The following PRPSAP2 variants were observed in gnomAD, a reference collection of about 807,000 sequenced individuals.
The protein encoded by PRPSAP2 is phosphoribosyl pyrophosphate synthetase associated protein 2.
A neutral mutation model predicts 40.6 loss-of-function variants in PRPSAP2; 24 were observed. That is an observed-to-expected ratio of 0.59 (90% CI 0.43 to 0.83). The LOEUF is 0.83. Ranked by LOEUF, PRPSAP2 falls within the 40% of genes least tolerant of loss-of-function variation. PRPSAP2 has a pLI of 0.00. For synonymous variants in PRPSAP2, 149 were observed against 164.7 expected, an observed-to-expected ratio of 0.90 and a Z score of 0.73; for missense variants, 292 against 465.6, an observed-to-expected ratio of 0.63 and a Z score of 3.43.
chr17:18,893,062 T>TA (rs1023019737), intron 8 of PRPSAP2, among the ~76,000 whole-genome samples: 12 of 152,118 alleles, frequency 7.9e-5, no homozygotes, highest in African/African-American at 2.9e-4. Context: ...GATTTGCAGA[T>TA]ATTTTCTCTC....
chr17:18,893,328 T>G (rs1004806138), intron 8 of PRPSAP2, among the ~76,000 whole-genome samples: 3 of 152,028 alleles, frequency 2.0e-5, no homozygotes, highest in Non-Finnish European at 4.4e-5. Context: ...TTTTGTATTT[T>G]TTAGTAGAGA....
chr17:18,911,370 A>C lies in PRPSAP2; in HGVS notation c.733+119A>C. On this transcript the variant is annotated intron_variant, in intron 9 of 11. Coordinates refer to ENST00000268835, the MANE Select transcript of PRPSAP2 (RefSeq NM_002767.4). The surrounding 1 kb of genome is among the most constrained non-coding windows in gnomAD (Gnocchi z 4.5). ...TTTTAGTTGGCAAAAACTCATTAACACCTTTCTTGGCCAGATAGTAGCGAA... is the reference window on the plus strand; with the variant it reads ...TTTTAGTTGGCAAAAACTCATTAACCCCTTTCTTGGCCAGATAGTAGCGAA... 2 of 1,234,764 alleles carry C rather than the reference A, an allele frequency of 1.6e-6. No individual in the cohort carries two copies. The highest frequency in any genetic ancestry group is 2.2e-6 in the Non-Finnish European group (2 of 914,672). The allele number at this position is 1,234,764 out of a possible 1,614,324, so 76.5% of individuals were successfully genotyped here.
chr17:18,861,252 C>T (rs942405484), intron 1 of PRPSAP2, among the ~76,000 whole-genome samples: 1 of 151,942 alleles, frequency 6.6e-6, no homozygotes, highest in Admixed American at 6.6e-5. Context: ...ATTACCTGAG[C>T]TTGGGAGTTT....
intron 7 of PRPSAP2, among the ~76,000 whole-genome samples, chr17:18,884,418 A>G (rs866435302): frequency 3.9e-5 from 6 of 152,216 alleles, no homozygotes; most frequent in South Asian, 4.1e-4. Context: ...AGCTCACTGC[A>G]ACCTTGAACT....
At chr17:18,909,444 C>T (rs969855189) in intron 8 of PRPSAP2, among the ~76,000 whole-genome samples, 12 of 151,770 alleles carry the variant, frequency 7.9e-5, no homozygotes, top group Admixed American at 6.6e-5. Context: ...CGGGGTTTCA[C>T]CGTGTTAGCC....
chr17:18,930,741 AAG>A lies in PRPSAP2; in HGVS notation c.*46_*47del, dbSNP rs1272726579. 6.5e-7 allele frequency: 1 copy of A among 1,543,580 alleles called. No homozygotes were observed. Among genetic ancestry groups the A allele is most frequent in the Admixed American group, 1.8e-5 (1 of 56,894 alleles). On this transcript the variant is annotated 3_prime_UTR_variant, in exon 12 of 12. Coordinates refer to ENST00000268835, the MANE Select transcript of PRPSAP2 (RefSeq NM_002767.4). ...CTCCCGAGGGCCAAACTGGAAACAT[AAG>A]AGTGACTGCTCGGTGGGATGGATTT...
intron 1 of PRPSAP2, among the ~76,000 whole-genome samples, chr17:18,863,594 G>A (rs1008613291): frequency 5.3e-5 from 8 of 150,820 alleles, no homozygotes; most frequent in Non-Finnish European, 8.9e-5. Flanking sequence ...GTGCAGTGGC[G>A]CGATCTTGGC....
intron 9 of PRPSAP2, among the ~76,000 whole-genome samples, chr17:18,918,894 GAATCA>G (rs1199133192): frequency 6.6e-6 from 1 of 152,138 alleles, no homozygotes; most frequent in African/African-American, 2.4e-5. Flanking sequence ...TTGATATGTT[GAATCA>G]AATCAAACAT....
At chr17:18,917,393 A>G (rs1276686168) in intron 9 of PRPSAP2, 7 of 144,748 alleles carry the variant, frequency 4.8e-5, no homozygotes, top group Admixed American at 6.9e-5. Flanking sequence ...AAAACAGATG[A>G]CTTCTTTTTT....
intron 9 of PRPSAP2, among the ~76,000 whole-genome samples, chr17:18,923,093 A>G (rs1189383310): frequency 7.8e-6 from 1 of 128,320 alleles, no homozygotes; most frequent in East Asian, 2.0e-4. Flanking sequence ...ATTTATTTTT[A>G]TTTATTTATT....
chr17:18,911,015 T>A lies in PRPSAP2; in HGVS notation c.585-88T>A. ...AGTCCTTTGGGAGACAACATTCTAC[T>A]TATGTTCTCTTAATGTTTTGTCCCC... On this transcript the variant is annotated intron_variant, in intron 8 of 11. Coordinates refer to ENST00000268835, the MANE Select transcript of PRPSAP2 (RefSeq NM_002767.4). This position sits in a 1 kb window ranked among gnomAD's most constrained non-coding sequence, Gnocchi z 4.5. 5 of 1,385,606 alleles carry A rather than the reference T, an allele frequency of 3.6e-6. No individual in the cohort carries two copies. Among genetic ancestry groups the A allele is most frequent in the Non-Finnish European group, 2.9e-6 (3 of 1,040,596 alleles). The allele number at this position is 1,385,606 out of a possible 1,614,324, so 85.8% of individuals were successfully genotyped here. A position where few individuals can be genotyped will look rare whatever the true frequency, so the allele number is the denominator to read the frequency against.
At chr17:18,915,426 A>T in intron 9 of PRPSAP2, among the ~76,000 whole-genome samples, 1 of 152,176 alleles carries the variant, frequency 6.6e-6, no homozygotes, top group Admixed American at 6.5e-5. Flanking sequence ...AGCCTGTCTT[A>T]GTCTGTTTTG....
At position 18,930,752 on chromosome 17, in the gene PRPSAP2, C is replaced by A; in HGVS notation, c.*54C>A. The stretch of plus-strand genomic sequence containing the variant: ...CAAACTGGAAACATAAGAGTGACTG[C>A]TCGGTGGGATGGATTTCACAGGAAC... On this transcript the variant is annotated 3_prime_UTR_variant, in exon 12 of 12. Transcript: ENST00000268835. 6.8e-7 allele frequency: 1 copy of A among 1,477,372 alleles called. No individual in the cohort carries two copies. The allele number at this position is 1,477,372 out of a possible 1,614,324, so 91.5% of individuals were successfully genotyped here.
intron 9 of PRPSAP2, among the ~76,000 whole-genome samples, chr17:18,922,812 T>C (rs1211399225): frequency 1.3e-5 from 2 of 150,596 alleles, no homozygotes; most frequent in Non-Finnish European, 3.0e-5. Context: ...TAGCTGTGAC[T>C]ACTGTCATGC....
chr17:18,881,088 C>G (rs977416161), intron 6 of PRPSAP2, among the ~76,000 whole-genome samples: 2 of 151,846 alleles, frequency 1.3e-5, no homozygotes, highest in South Asian at 2.1e-4. Flanking sequence ...CCTGCCTCAG[C>G]CTTCCAAAGT....
At position 18,917,608 on chromosome 17, in the gene PRPSAP2, T is replaced by A. The variant is rs1280296508; in HGVS notation, c.734-6306T>A. On this transcript the variant is annotated intron_variant, in intron 9 of 11. Coordinates refer to ENST00000268835, the MANE Select transcript of PRPSAP2 (RefSeq NM_002767.4). ...TATTTTTTTTTTTTTTTTTTTTTTTTTTTTTTTTTTTAGTAGAGACAGGGT... is the reference window on the plus strand; with the variant it reads ...TATTTTTTTTTTTTTTTTTTTTTTTATTTTTTTTTTTAGTAGAGACAGGGT... 58 of 123,612 alleles carry A rather than the reference T, an allele frequency of 4.7e-4. 2 individuals carry two copies. The South Asian group carries it at 8.6e-3, about 18-fold the overall frequency. The allele number at this position is 123,612 out of a possible 1,614,324, so 7.7% of individuals were successfully genotyped here.
chr17:18,930,696 TG>T lies in PRPSAP2; in HGVS notation c.1109del (p.Ter370=). On this transcript the variant is annotated frameshift_variant and stop_lost, in exon 12 of 12. Coordinates refer to ENST00000268835, the MANE Select transcript of PRPSAP2 (RefSeq NM_002767.4). LOFTEE classifies it high-confidence loss of function. ...TTTCAGAAACATAGGCTTAGATGAC[TG>T]AGTTTTCCTTTAGGAAAACTCCCGA... The part of the protein sequence containing the change: ...YLFRNIGLDD[*>X] The T allele has an allele frequency of 1.2e-6, 2 of 1,608,150 alleles. No individual in the cohort carries two copies. The highest frequency in any genetic ancestry group is 1.7e-6 in the Non-Finnish European group (2 of 1,176,890).
intron 8 of PRPSAP2, among the ~76,000 whole-genome samples, chr17:18,907,957 T>C (rs1597697689): frequency 6.6e-6 from 1 of 152,200 alleles, no homozygotes; most frequent in East Asian, 1.9e-4. Flanking sequence ...GCCAATATGA[T>C]GATGAAACCC....
intron 5 of PRPSAP2, 64 bp downstream of exon 5, chr17:18,872,713 G>A (rs760877949): frequency 3.5e-4 from 430 of 1,226,060 alleles, no homozygotes; most frequent in Non-Finnish European, 4.7e-4. Context: ...TTAAAATAAT[G>A]ATAGATGGCT....
Sources: gnomAD v4.1 joint callset for allele counts (sites outside exome capture counted in the v4.1 genomes callset) on GRCh38, gnomAD v4.1.1 for gene constraint, Gnocchi (gnomAD v3.1) non-coding constraint, MANE v1.5 for transcripts, NCBI Gene and HGNC (gene_info 2026-07-23, HGNC 2026-07-21) for gene names.